The following ELMO1 variants were observed in gnomAD, a reference collection of about 807,000 sequenced individuals.
The protein encoded by ELMO1 is engulfment and cell motility protein 1.
ELMO1 carries 26 observed loss-of-function variants against 98.9 expected under a neutral mutation model. The observed-to-expected ratio is 0.26, with a 90% confidence interval of 0.19 to 0.36. ELMO1 has a LOEUF of 0.36. Ranked by LOEUF, ELMO1 falls within the 10% of genes least tolerant of loss-of-function variation. The probability of loss-of-function intolerance (pLI) is 1.00; values close to 1 mark genes in which losing one functional copy is unlikely to be tolerated. For synonymous variants in ELMO1, 346 were observed against 346.0 expected (o/e 1.00, Z 0.00); for missense variants, 627 against 935.2 (o/e 0.67, Z 4.30).
At chr7:37,305,114 G>A (rs1263439158) in intron 4 of ELMO1, among the ~76,000 whole-genome samples, 5 of 152,162 alleles carry the variant, frequency 3.3e-5, no homozygotes, top group African/African-American at 1.2e-4. Context: ...CTCCCACAGA[G>A]CCAACTGCCT....
Position 36,887,666 on chromosome 7 carries a change from T to C in ELMO1, c.1608A>G (p.Leu536=). The C allele has an allele frequency of 6.2e-7, 1 of 1,614,030 alleles. No homozygotes were observed. The highest frequency in any genetic ancestry group is 1.7e-4 in the Middle Eastern group (1 of 6,058). Residue 536 remains leucine (L), a synonymous_variant, in exon 18 of 22, where the codon CTA becomes CTG. Transcript: ENST00000310758. ...AGATTTCTGGCTGAATCTTCTCCTT[T>C]AGTTCCCTGTTAGAGGAAAAACACA... is the stretch of plus-strand genomic sequence containing the variant. The part of the protein sequence containing the change: ...EDFQSRPILE[L]KEKIQPEILE...
At chr7:36,901,889 C>G (rs184755218) in intron 16 of ELMO1, among the ~76,000 whole-genome samples, 1 of 152,226 alleles carries the variant, frequency 6.6e-6, no homozygotes, top group African/African-American at 2.4e-5. Context: ...CAGGGTGGTT[C>G]AAGATTATAT....
At chr7:37,147,235 C>T (rs376910719) in intron 13 of ELMO1, among the ~76,000 whole-genome samples, 1 of 152,166 alleles carries the variant, frequency 6.6e-6, no homozygotes, top group Admixed American at 6.5e-5. Flanking sequence ...ATGAAAGAAA[C>T]ACCCAGGAAG....
chr7:37,168,600 C>T, intron 13 of ELMO1, among the ~76,000 whole-genome samples: 1 of 152,250 alleles, frequency 6.6e-6, no homozygotes, highest in East Asian at 1.9e-4. Flanking sequence ...GCTAGAGGTC[C>T]ACTTCAGACC....
At chr7:37,245,315 G>A (rs747831890) in intron 6 of ELMO1, among the ~76,000 whole-genome samples, 7 of 152,122 alleles carry the variant, frequency 4.6e-5, no homozygotes, top group Non-Finnish European at 8.8e-5. Flanking sequence ...TGAGGGCTAG[G>A]ACTCTGCACT....
At chr7:37,414,007 T>C (rs1804107499) in intron 1 of ELMO1, among the ~76,000 whole-genome samples, 1 of 150,398 alleles carries the variant, frequency 6.6e-6, no homozygotes, top group South Asian at 2.1e-4. Flanking sequence ...AGAGGGAAAC[T>C]GTGAAGTAGC....
intron 13 of ELMO1, among the ~76,000 whole-genome samples, chr7:37,178,400 C>T (rs115698415): frequency 0.069 from 10,365 of 149,452 alleles, 472 homozygotes; most frequent in South Asian, 0.18. Flanking sequence ...CCACAACACA[C>T]GGGAGTCATG....
intron 15 of ELMO1, among the ~76,000 whole-genome samples, chr7:37,049,267 C>T (rs1397837892): frequency 6.6e-6 from 1 of 152,090 alleles, no homozygotes; most frequent in Non-Finnish European, 1.5e-5. Context: ...CGCTTTGGGA[C>T]TCCCCAGGCC....
chr7:36,860,997 T>C (rs574357492), intron 21 of ELMO1, among the ~76,000 whole-genome samples: 2 of 152,234 alleles, frequency 1.3e-5, no homozygotes, highest in South Asian at 4.1e-4. Context: ...AAAACAAAAA[T>C]TTGAATGGTA....
chr7:37,190,647 TGCCAATCACGCCCGG>T (rs1791507991), intron 13 of ELMO1, among the ~76,000 whole-genome samples: 1 of 151,990 alleles, frequency 6.6e-6, no homozygotes, highest in South Asian at 2.1e-4. Flanking sequence ...ACGGGCACCC[TGCCAATCACGCCCGG>T]CTAACTTTTG....
chr7:37,292,738 G>T (rs1199766852), intron 4 of ELMO1, among the ~76,000 whole-genome samples: 1 of 11,658 alleles, frequency 8.6e-5, no homozygotes, highest in Non-Finnish European at 1.4e-4. Context: ...GAGGGAGGTG[G>T]GGGGGTCAGC....
chr7:36,992,644 G>A (rs544265620), intron 16 of ELMO1, among the ~76,000 whole-genome samples: 3 of 152,074 alleles, frequency 2.0e-5, no homozygotes, highest in African/African-American at 7.2e-5. Context: ...CTTCACCATC[G>A]GAAAAGGAAA....
chr7:37,386,540 C>A (rs1248330230), intron 1 of ELMO1, among the ~76,000 whole-genome samples: 1 of 151,654 alleles, frequency 6.6e-6, no homozygotes, highest in Non-Finnish European at 1.5e-5. Flanking sequence ...AGCAGCTAAA[C>A]TACCTGCACC....
At chr7:37,111,712 T>C (rs1182771238) in intron 14 of ELMO1, among the ~76,000 whole-genome samples, 1 of 152,232 alleles carries the variant, frequency 6.6e-6, no homozygotes, top group Non-Finnish European at 1.5e-5. Flanking sequence ...AATAAGGTAA[T>C]GCATATAAAA....
intron 15 of ELMO1, among the ~76,000 whole-genome samples, chr7:37,026,342 C>G (rs6964013): frequency 0.29 from 44,580 of 151,898 alleles, 9,009 homozygotes; most frequent in African/African-American, 0.58. Context: ...GCATTAGCCA[C>G]GTCTAGGGAG....
intron 15 of ELMO1, among the ~76,000 whole-genome samples, chr7:37,034,010 A>AT (rs1190063331): frequency 1.3e-5 from 2 of 152,258 alleles, no homozygotes; most frequent in Non-Finnish European, 2.9e-5. Context: ...CCATGTACAA[A>AT]TCAGATATAC....
At chr7:37,377,560 T>C (rs1406524593) in intron 1 of ELMO1, among the ~76,000 whole-genome samples, 2 of 152,098 alleles carry the variant, frequency 1.3e-5, no homozygotes, top group Admixed American at 6.5e-5. Context: ...GGGGAGAAGG[T>C]AGATATACTT....
chr7:37,153,163 T>G (rs928348938), intron 13 of ELMO1, among the ~76,000 whole-genome samples: 4 of 152,120 alleles, frequency 2.6e-5, no homozygotes, highest in African/African-American at 9.7e-5. Context: ...GACTTACGGG[T>G]CACTTCCAAG....
intron 17 of ELMO1, among the ~76,000 whole-genome samples, chr7:36,889,128 C>T (rs1805316316): frequency 1.3e-5 from 2 of 152,250 alleles, no homozygotes; most frequent in South Asian, 2.1e-4. Context: ...AAGGATAAGG[C>T]CATCTAACAG....
Sources: allele counts gnomAD v4.1 joint callset (sites outside exome capture counted in the v4.1 genomes callset), GRCh38; gene constraint gnomAD v4.1.1; transcripts MANE v1.5; gene names NCBI Gene and HGNC (gene_info 2026-07-23, HGNC 2026-07-21).